Variants in DSTYK observed in about 807,000 individuals in gnomAD.
The protein encoded by DSTYK is dual serine/threonine and tyrosine protein kinase.
Under a neutral mutation model 98.7 loss-of-function variants are expected in DSTYK, and 34 were observed. The observed-to-expected ratio is 0.34, with a 90% confidence interval of 0.26 to 0.46. The LOEUF (loss-of-function observed/expected upper bound fraction) is 0.46. Ranked by LOEUF, DSTYK falls within the 20% of genes least tolerant of loss-of-function variation. The pLI, the probability that DSTYK is intolerant of heterozygous loss-of-function variation, is 1.00. For synonymous variants in DSTYK, 462 were observed against 457.3 expected (o/e 1.01, Z -0.13); for missense variants, 962 against 1,181.7 (o/e 0.81, Z 2.73).
rs1657112591 is a variant in DSTYK at position 205,142,822 on chromosome 1, C to T, written c.*4736G>A. ...ATTTAACACTGTAATAAACATTAGTCCTTTAAAACAAAGAAAAAACATTAC... is the reference window on the plus strand; with the variant it reads ...ATTTAACACTGTAATAAACATTAGTTCTTTAAAACAAAGAAAAAACATTAC... On this transcript the variant is annotated 3_prime_UTR_variant, in exon 13 of 13. Transcript: ENST00000367162. 6.6e-6 allele frequency: 1 copy of T among 152,138 alleles called. No individual in the cohort carries two copies. The highest frequency in any genetic ancestry group is 2.4e-5 in the African/African-American group (1 of 41,422). The allele number at this position is 152,138 out of a possible 1,614,324, so 9.4% of individuals were successfully genotyped here. A position where few individuals can be genotyped will look rare whatever the true frequency, so the allele number is the denominator to read the frequency against.
At chr1:205,202,153 G>T (rs1223822790) in intron 1 of DSTYK, 1 of 536,886 alleles carries the variant, frequency 1.9e-6, no homozygotes, top group East Asian at 5.0e-5. Flanking sequence ...AAGGGGAAGG[G>T]GCTTCTTCCC....
chr1:205,157,171 G>T, intron 10 of DSTYK, 102 bp downstream of exon 10: 1 of 922,908 alleles, frequency 1.1e-6, no homozygotes, highest in Non-Finnish European at 1.7e-6. Context: ...TACACTTTCT[G>T]TGAGGACTTT....
chr1:205,163,666 G>A, intron 4 of DSTYK, 57 bp downstream of exon 4: 2 of 1,380,194 alleles, frequency 1.4e-6, no homozygotes, highest in East Asian at 2.4e-5. Context: ...GTGGACTTGT[G>A]CAGATTTTTC....
At position 205,150,601 on chromosome 1, in the gene DSTYK, G is replaced by A. The variant is rs1657373012; in HGVS notation, c.2467+79C>T. On this transcript the variant is annotated intron_variant, in intron 11 of 12. Coordinates refer to ENST00000367162, the MANE Select transcript of DSTYK (RefSeq NM_015375.3). The surrounding 1 kb of genome is among the most constrained non-coding windows in gnomAD (Gnocchi z 4.1). ...TGCCAGACCTGCCAGTAGTGATTGTGGAAACGAGCTCAAGGGGTAGCACTC... is the reference window on the plus strand; with the variant it reads ...TGCCAGACCTGCCAGTAGTGATTGTAGAAACGAGCTCAAGGGGTAGCACTC... 1 of 1,172,036 alleles carries A rather than the reference G, an allele frequency of 8.5e-7. No homozygotes were observed. Among genetic ancestry groups the A allele is most frequent in the Non-Finnish European group, 1.2e-6 (1 of 800,342 alleles). 72.6% of individuals were successfully genotyped at this position (1,172,036 alleles called of 1,614,324 possible).
rs766279464 is a variant in DSTYK, at chr1:205,147,731, G to A, written c.2617C>T (p.Arg873Cys). The A allele has an allele frequency of 8.7e-6, 14 of 1,613,506 alleles. No homozygotes were observed. Among genetic ancestry groups the A allele is most frequent in the African/African-American group, 5.3e-5 (4 of 74,864 alleles). Residue 873 changes from arginine to cysteine, a missense_variant, in exon 13 of 13, where the codon CGT becomes TGT. Transcript: ENST00000367162. Reference protein sequence around the residue: ...NNVRRGARPERLPVFDEECWQ... With the variant: ...NNVRRGARPECLPVFDEECWQ... ...CACTCCTCATCAAACACAGGAAGACGTTCTGGGCGAGCCCCTAGAGAAAGG... is the reference window on the plus strand; with the variant it reads ...CACTCCTCATCAAACACAGGAAGACATTCTGGGCGAGCCCCTAGAGAAAGG...
At chr1:205,164,751 G>A (rs543094259) in intron 3 of DSTYK, among the ~76,000 whole-genome samples, 5 of 152,244 alleles carry the variant, frequency 3.3e-5, no homozygotes, top group Admixed American at 6.5e-5. Flanking sequence ...GTGAGCCACC[G>A]TGCCCGGCAA....
chr1:205,158,867 C>T (rs1408385650), intron 9 of DSTYK, among the ~76,000 whole-genome samples: 1 of 152,120 alleles, frequency 6.6e-6, no homozygotes, highest in African/African-American at 2.4e-5. Flanking sequence ...TAATGCTGGA[C>T]CTTGTACAAA....
In DSTYK at chr1:205,147,406, G is replaced by A. The variant is rs1657268169; in HGVS notation, c.*152C>T. On this transcript the variant is annotated 3_prime_UTR_variant, in exon 13 of 13. Coordinates refer to ENST00000367162, the MANE Select transcript of DSTYK (RefSeq NM_015375.3). The stretch of plus-strand genomic sequence containing the variant: ...TCATTCAACTCTTCACTGTCCAGGA[G>A]TCATCCCTGCCTGGGAAGGTTCCAA... 1.3e-6 allele frequency: 1 copy of A among 758,782 alleles called. No homozygotes were observed. Among genetic ancestry groups the A allele is most frequent in the Admixed American group, 2.8e-5 (1 of 36,216 alleles). 47.0% of individuals were successfully genotyped at this position (758,782 alleles called of 1,614,324 possible).
At chr1:205,180,745 G>A (rs1306158866) in intron 2 of DSTYK, among the ~76,000 whole-genome samples, 3 of 152,182 alleles carry the variant, frequency 2.0e-5, no homozygotes, top group Non-Finnish European at 2.9e-5. Flanking sequence ...CATTACAGGC[G>A]TGAGCCACTG....
chr1:205,181,948 AGT>A (rs1443673710), intron 2 of DSTYK, among the ~76,000 whole-genome samples: 1 of 152,150 alleles, frequency 6.6e-6, no homozygotes, highest in Non-Finnish European at 1.5e-5. Context: ...AGCAACAAAC[AGT>A]GTTTAGTAAA....
chr1:205,144,561 A>G lies in DSTYK; in HGVS notation c.*2997T>C, dbSNP rs1387246374. On this transcript the variant is annotated 3_prime_UTR_variant, in exon 13 of 13. Transcript: ENST00000367162. ...AGCCAAAATTAGCTGACAATGTTAT[A>G]AAACAAAAGCAAAGTATACACACTC... The G allele has an allele frequency of 2.0e-5, 3 of 152,658 alleles. No individual in the cohort carries two copies. The highest frequency in any genetic ancestry group is 4.4e-5 in the Non-Finnish European group (3 of 68,046). 9.5% of individuals were successfully genotyped at this position (152,658 alleles called of 1,614,324 possible). A position where few individuals can be genotyped will look rare whatever the true frequency, so the allele number is the denominator to read the frequency against.
At chr1:205,198,865 C>G (rs1414000397) in intron 1 of DSTYK, among the ~76,000 whole-genome samples, 2 of 146,268 alleles carry the variant, frequency 1.4e-5, no homozygotes, top group African/African-American at 5.1e-5. Context: ...TGGAGCCTCG[C>G]TCTGTCGCCA....
At chr1:205,197,849 G>C (rs1328076175) in intron 1 of DSTYK, among the ~76,000 whole-genome samples, 1 of 152,164 alleles carries the variant, frequency 6.6e-6, no homozygotes, top group Non-Finnish European at 1.5e-5. Flanking sequence ...TGATGCTCCA[G>C]TATAGAACAG....
chr1:205,148,906 T>TG (rs1217320087), intron 11 of DSTYK, among the ~76,000 whole-genome samples: 1 of 151,216 alleles, frequency 6.6e-6, no homozygotes, highest in African/African-American at 2.4e-5. Flanking sequence ...AGAAAGTGTT[T>TG]TTTTTTTTTT....
chr1:205,172,104 G>A (rs7512022), intron 2 of DSTYK, among the ~76,000 whole-genome samples: 69,314 of 151,602 alleles, frequency 0.46, 19,262 homozygotes, highest in Non-Finnish European at 0.62. Flanking sequence ...TTACAGGCAC[G>A]CACCACCACG....
chr1:205,189,723 A>G (rs1464958475), intron 1 of DSTYK, among the ~76,000 whole-genome samples: 5 of 152,172 alleles, frequency 3.3e-5, no homozygotes, highest in African/African-American at 1.2e-4. Flanking sequence ...AGATCCCTCT[A>G]TGCATTTCAT....
intron 2 of DSTYK, among the ~76,000 whole-genome samples, chr1:205,173,823 A>G (rs931350179): frequency 2.0e-5 from 3 of 151,708 alleles, no homozygotes; most frequent in African/African-American, 7.3e-5. Flanking sequence ...GGTTCAAGTG[A>G]TTCTCCTGCC....
chr1:205,204,642 C>T (rs894759672), intron 1 of DSTYK, among the ~76,000 whole-genome samples: 1 of 152,106 alleles, frequency 6.6e-6, no homozygotes, highest in African/African-American at 2.4e-5. Flanking sequence ...AATTCAGTGG[C>T]TTTTAGAATG....
intron 2 of DSTYK, among the ~76,000 whole-genome samples, chr1:205,172,123 A>T (rs1658082922): frequency 6.6e-6 from 1 of 151,694 alleles, no homozygotes; most frequent in African/African-American, 2.4e-5. Context: ...CGCCCGGCTA[A>T]TTTTTGTATT....
Sources: allele counts gnomAD v4.1 joint callset (sites outside exome capture counted in the v4.1 genomes callset), GRCh38; gene constraint gnomAD v4.1.1; non-coding constraint Gnocchi (gnomAD v3.1); transcripts MANE v1.5; gene names NCBI Gene and HGNC (gene_info 2026-07-23, HGNC 2026-07-21).